The following HMGXB3 variants were observed in gnomAD, a reference collection of about 807,000 sequenced individuals.
The protein encoded by HMGXB3 is HMG domain-containing protein 3.
In HMGXB3, 45 loss-of-function variants were observed where a neutral mutation model predicts 121.5. The ratio of observed to expected loss-of-function variants is 0.37; its 90% CI spans 0.29 to 0.47. The LOEUF is 0.47. HMGXB3 is among the 20% of genes least tolerant of loss of function. The pLI, the probability that HMGXB3 is intolerant of heterozygous loss-of-function variation, is 0.99. For missense variants in HMGXB3, 1,376 were observed against 1,602.2 expected (o/e 0.86, Z 2.41); for synonymous variants, 590 against 624.1 (o/e 0.95, Z 0.81).
At chr5:150,040,682 T>G in intron 13 of HMGXB3, 66 bp from the exon 14 acceptor site, 2 of 1,486,926 alleles carry the variant, frequency 1.3e-6, no homozygotes, top group Non-Finnish European at 1.8e-6. Context: ...CCAGCTGGTG[T>G]GTATTCTATT....
rs1000263128 is a variant in HMGXB3, at chr5:150,030,680, A to G, written c.1735-61A>G. 7 of 1,189,908 alleles carry G rather than the reference A, an allele frequency of 5.9e-6. No homozygotes were observed. The African/African-American group carries it at 9.1e-5, about 15-fold the overall frequency. The allele number at this position is 1,189,908 out of a possible 1,614,324, so 73.7% of individuals were successfully genotyped here. A position where few individuals can be genotyped will look rare whatever the true frequency, so the allele number is the denominator to read the frequency against. On this transcript the variant is annotated intron_variant, in intron 9 of 19. Transcript: ENST00000502717. Reference sequence around the variant, plus strand: ...GCATTCCCTCAAGTCGTTTCAGGACATGGGAGCTCAGGAGTTTGGCTAAGG... The same window carrying G: ...GCATTCCCTCAAGTCGTTTCAGGACGTGGGAGCTCAGGAGTTTGGCTAAGG...
At chr5:150,045,908 G>A (rs1756744818) in intron 16 of HMGXB3, among the ~76,000 whole-genome samples, 1 of 152,214 alleles carries the variant, frequency 6.6e-6, no homozygotes, top group Admixed American at 6.5e-5. Context: ...GGGGCGCACA[G>A]CTCATTGTCA....
intron 10 of HMGXB3, 99 bp downstream of exon 10, chr5:150,030,938 G>A (rs1461186417): frequency 5.0e-6 from 4 of 804,464 alleles, no homozygotes; most frequent in Non-Finnish European, 8.4e-6. Flanking sequence ...GGTGGTAGCT[G>A]GGAGGGAGAA....
chr5:150,039,437 A>G (rs1433816054), intron 13 of HMGXB3, among the ~76,000 whole-genome samples: 4 of 152,122 alleles, frequency 2.6e-5, no homozygotes, highest in Admixed American at 6.5e-5. Flanking sequence ...TAGAAGTATA[A>G]TTAAGTTTGT....
At chr5:150,049,165 G>A (rs967533331) in intron 18 of HMGXB3, among the ~76,000 whole-genome samples, 1 of 152,202 alleles carries the variant, frequency 6.6e-6, no homozygotes, top group Admixed American at 6.5e-5. Context: ...CACCAAGGCC[G>A]TGAGTGGGGA....
Position 150,048,494 on chromosome 5 carries a change from G to A in HMGXB3, c.3085-75G>A, listed in dbSNP as rs1420687679. On this transcript the variant is annotated intron_variant, in intron 17 of 19. Transcript: ENST00000502717. ...TTCTTTTGCTTTGGGTGTTGGGTGAGTGTGTGATGCTGAGCACCAGCCGTG... is the reference window on the plus strand; with the variant it reads ...TTCTTTTGCTTTGGGTGTTGGGTGAATGTGTGATGCTGAGCACCAGCCGTG... The A allele has an allele frequency of 3.0e-6, 3 of 986,060 alleles. No individual in the cohort carries two copies. In the African/African-American group the frequency reaches 4.9e-5, roughly 16 times the overall value. 61.1% of individuals were successfully genotyped at this position (986,060 alleles called of 1,614,324 possible).
chr5:150,006,584 C>T lies in HMGXB3; in HGVS notation c.249C>T (p.Leu83=), dbSNP rs1040416910. The T allele has an allele frequency of 1.9e-6, 3 of 1,552,326 alleles. No homozygotes were observed. Among genetic ancestry groups the T allele is most frequent in the South Asian group, 2.4e-5 (2 of 84,066 alleles). Residue 83 remains leucine, a synonymous_variant, in exon 3 of 20, where the codon CTC becomes CTT. Transcript: ENST00000502717. ...AGATTAGTGAGAGTTGGAGGCTTCT[C>T]AGCGTGGCCGAGAGGAGTTACTACT... The part of the protein sequence containing the change: ...NKKISESWRL[L]SVAERSYYLE...
intron 6 of HMGXB3, among the ~76,000 whole-genome samples, chr5:150,023,508 C>A (rs1430409875): frequency 6.6e-6 from 1 of 152,174 alleles, no homozygotes; most frequent in Non-Finnish European, 1.5e-5. Context: ...TTTCTGAAGA[C>A]AACCACTATT....
At position 150,050,399 on chromosome 5, in the gene HMGXB3, C is replaced by G; in HGVS notation, c.3349C>G (p.Leu1117Val). ...ALCADLCYPELTNQMWGRNQG... is the reference protein window; with the variant it reads ...ALCADLCYPEVTNQMWGRNQG... Reference sequence around the variant, plus strand: ...GTGTGCTGACCTCTGCTACCCAGAGCTGACTAACCAGATGTGGGGGAGGAA... The same window carrying G: ...GTGTGCTGACCTCTGCTACCCAGAGGTGACTAACCAGATGTGGGGGAGGAA... Residue 1117 changes from leucine to valine, a missense_variant, in exon 19 of 20, where the codon CTG becomes GTG. By Grantham distance (32) the Leu-to-Val change is conservative (BLOSUM62 1). Coordinates refer to ENST00000502717, the MANE Select transcript of HMGXB3 (RefSeq NM_014983.3). 1 of 1,551,762 alleles carries G rather than the reference C, an allele frequency of 6.4e-7. No individual in the cohort carries two copies. The highest frequency in any genetic ancestry group is 8.7e-7 in the Non-Finnish European group (1 of 1,146,994).
At position 150,052,421 on chromosome 5, in the gene HMGXB3, G is replaced by A; in HGVS notation, c.*229G>A. The A allele has an allele frequency of 1.8e-6, 1 of 543,586 alleles. No homozygotes were observed. The allele number at this position is 543,586 out of a possible 1,614,324, so 33.7% of individuals were successfully genotyped here. On this transcript the variant is annotated 3_prime_UTR_variant, in exon 20 of 20. Coordinates refer to ENST00000502717, the MANE Select transcript of HMGXB3 (RefSeq NM_014983.3). The stretch of plus-strand genomic sequence containing the variant: ...ACCAGGAAACCTCTTCTGGCCCCGA[G>A]AGAGCACTTGGGGGACACGGTATGT...
At chr5:150,024,715 GAAATGCCCCATGT>G in intron 7 of HMGXB3, 35 bp downstream of exon 7, 3 of 1,450,126 alleles carry the variant, frequency 2.1e-6, no homozygotes, top group Non-Finnish European at 2.8e-6. Context: ...TAGGGCTTTG[GAAATGCCCCATGT>G]TTCTTTTATC....
At chr5:150,045,330 C>G (rs761266414) in intron 15 of HMGXB3, 136 bp from the exon 16 acceptor site, 18 of 707,838 alleles carry the variant, frequency 2.5e-5, no homozygotes, top group Non-Finnish European at 3.9e-5. Context: ...ATTCAAGGCC[C>G]TGTGGCAGTG....
At position 150,027,003 on chromosome 5, in the gene HMGXB3, G is replaced by A. The variant is rs1338514146; in HGVS notation, c.1637-17G>A. 6.5e-7 allele frequency: 1 copy of A among 1,549,994 alleles called. No individual in the cohort carries two copies. The highest frequency in any genetic ancestry group is 8.7e-7 in the Non-Finnish European group (1 of 1,145,708). On this transcript the variant is annotated splice_polypyrimidine_tract_variant and intron_variant, in intron 8 of 19. Transcript: ENST00000502717. ...TGAATGCACTTAAGTCACCAGTTTG[G>A]CTCCTGGTTCTCTCAGATAAGACTC...
rs1294059760 is a variant in HMGXB3, at chr5:150,032,564, C to T, written c.1944C>T (p.Asn648=). 2 of 1,552,274 alleles carry T rather than the reference C, an allele frequency of 1.3e-6. No individual in the cohort carries two copies. The highest frequency in any genetic ancestry group is 1.7e-6 in the Non-Finnish European group (2 of 1,147,120). ...KPRICPSCGV[N]LAKDRTEKTT... ...GAATTTGTCCCAGCTGTGGTGTTAA[C>T]CTTGCCAAAGACCGGACTGAGAAAA... The change falls in exon 11 of 20, where the codon AAC becomes AAT. Residue 648 remains asparagine, a synonymous_variant. Transcript: ENST00000502717.
At chr5:150,012,622 G>A (rs1755868649) in intron 5 of HMGXB3, among the ~76,000 whole-genome samples, 1 of 152,108 alleles carries the variant, frequency 6.6e-6, no homozygotes. Context: ...TTCCTGGAAT[G>A]GATTCCATGA....
chr5:150,009,974 AAG>A (rs1329548716), intron 3 of HMGXB3, 135 bp from the exon 4 acceptor site: 2 of 926,294 alleles, frequency 2.2e-6, no homozygotes, highest in Non-Finnish European at 3.2e-6. Context: ...GAATTAGGTC[AAG>A]AGAGTAGAGT....
chr5:150,028,499 GTATGTA>G (rs1365456465), intron 9 of HMGXB3, among the ~76,000 whole-genome samples: 59 of 60,630 alleles, frequency 9.7e-4, no homozygotes, highest in African/African-American at 2.8e-3. Context: ...GTATATATAT[GTATGTA>G]TGTGTGTGTG....
intron 3 of HMGXB3, among the ~76,000 whole-genome samples, chr5:150,009,888 G>A (rs979819717): frequency 6.6e-6 from 1 of 152,132 alleles, no homozygotes; most frequent in African/African-American, 2.4e-5. Flanking sequence ...CTGTGTGACT[G>A]AGTGAATAAG....
At chr5:150,003,416 G>C (rs1755624380) in intron 1 of HMGXB3, among the ~76,000 whole-genome samples, 1 of 151,938 alleles carries the variant, frequency 6.6e-6, no homozygotes, top group East Asian at 1.9e-4. Flanking sequence ...TGGTGGCCTT[G>C]GGAAGGTTGT....
Sources: gnomAD v4.1 joint callset for allele counts (sites outside exome capture counted in the v4.1 genomes callset) on GRCh38, gnomAD v4.1.1 for gene constraint, MANE v1.5 for transcripts, NCBI Gene and HGNC (gene_info 2026-07-23, HGNC 2026-07-21) for gene names.